Variants in CRISP1 observed in about 807,000 individuals in gnomAD.
CRISP1 encodes cysteine-rich secretory protein 1.
In CRISP1, 44 loss-of-function variants were observed where a neutral mutation model predicts 33.1. The observed-to-expected ratio is 1.33, with a 90% CI of 1.05 to 1.71. The LOEUF (loss-of-function observed/expected upper bound fraction) is 1.71. Among genes scored for constraint, CRISP1 ranks in the 40% most tolerant of loss-of-function variants. The pLI is 0.00. For missense variants in CRISP1, 390 were observed against 301.2 expected (o/e 1.29, Z -2.18); for synonymous variants, 103 against 98.7 (o/e 1.04, Z -0.26).
At chr6:49,836,950 T>C (rs986955648) in intron 7 of CRISP1, among the ~76,000 whole-genome samples, 1 of 152,156 alleles carries the variant, frequency 6.6e-6, no homozygotes, top group African/African-American at 2.4e-5. Context: ...TTCTCTTATG[T>C]AGTATTCTGG....
At chr6:49,848,092 G>T in intron 4 of CRISP1, 117 bp downstream of exon 4, 1 of 573,604 alleles carries the variant, frequency 1.7e-6, no homozygotes. Flanking sequence ...GTATGACCCA[G>T]TGCAAATGAG....
intron 1 of CRISP1, among the ~76,000 whole-genome samples, chr6:49,860,252 G>T (rs1449417607): frequency 6.6e-6 from 1 of 152,048 alleles, no homozygotes; most frequent in Non-Finnish European, 1.5e-5. Context: ...ATTTAAGTTG[G>T]ATATTAAACC....
intron 1 of CRISP1, among the ~76,000 whole-genome samples, chr6:49,875,596 T>A (rs1214019094): frequency 1.3e-5 from 2 of 151,944 alleles, no homozygotes. Context: ...GCCAAGAAAA[T>A]TCTCAGCATA....
rs780945700 is a variant in CRISP1, at chr6:49,846,659, C to G, written c.296G>C (p.Cys99Ser). The change falls in exon 5 of 8, where the codon TGT becomes TCT. Residue 99 changes from cysteine to serine, a missense_variant. Physicochemically the swap from Cys to Ser is moderately radical, Grantham distance 112. Coordinates refer to ENST00000335847, the MANE Select transcript of CRISP1 (RefSeq NM_001131.3). The stretch of plus-strand genomic sequence containing the variant: ...AGATGTCATATGCATATTTTCTCCA[C>G]AAAAGGTATCTGAAATGAGAAAACG... ...PLERRLPNTF[C>S]GENMHMTSYP... 14 of 1,613,006 alleles carry G rather than the reference C, an allele frequency of 8.7e-6. No individual in the cohort carries two copies. The East Asian group carries it at 3.1e-4, about 36-fold the overall frequency.
chr6:49,863,594 TTG>T (rs566565236), intron 1 of CRISP1, among the ~76,000 whole-genome samples: 124 of 152,384 alleles, frequency 8.1e-4, no homozygotes, highest in African/African-American at 2.9e-3. Context: ...TAGTTTCAGA[TTG>T]TGTTTCTTGT....
In CRISP1 at chr6:49,835,290, A is replaced by G. The variant is rs903789712; in HGVS notation, c.*26T>C. ...GACATCTCCTCCTCATCGTCACAGC[A>G]TAGAACAGTTGAAAATAACAAAGAC... On this transcript the variant is annotated 3_prime_UTR_variant, in exon 8 of 8. Transcript: ENST00000335847. 23 of 1,612,546 alleles carry G rather than the reference A, an allele frequency of 1.4e-5. 1 individual carries two copies. In the Admixed American group the frequency reaches 3.3e-4, roughly 23 times the overall value.
At chr6:49,874,220 G>A (rs981909462) in intron 1 of CRISP1, among the ~76,000 whole-genome samples, 27 of 151,988 alleles carry the variant, frequency 1.8e-4, no homozygotes, top group African/African-American at 6.3e-4. Flanking sequence ...AGTAGCTATT[G>A]AATAGTAAAT....
At chr6:49,845,136 G>GA (rs1447778201) in intron 5 of CRISP1, among the ~76,000 whole-genome samples, 5 of 152,112 alleles carry the variant, frequency 3.3e-5, no homozygotes, top group East Asian at 3.9e-4. Flanking sequence ...AGCTGTATCT[G>GA]AAAATAGAGT....
At chr6:49,860,869 A>G (rs1320707403) in intron 1 of CRISP1, among the ~76,000 whole-genome samples, 1 of 152,078 alleles carries the variant, frequency 6.6e-6, no homozygotes, top group Non-Finnish European at 1.5e-5. Flanking sequence ...AGTAACCAAG[A>G]TAAAAAAGAG....
chr6:49,851,277 A>G (rs1771338252), intron 3 of CRISP1, among the ~76,000 whole-genome samples: 1 of 152,132 alleles, frequency 6.6e-6, no homozygotes, highest in South Asian at 2.1e-4. Context: ...CCTTGTTGCT[A>G]CAGGCCGGTC....
intron 1 of CRISP1, among the ~76,000 whole-genome samples, chr6:49,863,387 CTT>C (rs1771706135): frequency 2.0e-5 from 3 of 152,128 alleles, no homozygotes; most frequent in Non-Finnish European, 4.4e-5. Context: ...GCTGCTTGAA[CTT>C]AGGTAAAGGT....
Position 49,845,195 on chromosome 6 carries a change from G to A in CRISP1, c.435+1325C>T, listed in dbSNP as rs184082542. Among the ~76,000 whole-genome samples the A allele has an allele frequency of 2.4e-4, 36 of 152,240 alleles. No individual in the cohort carries two copies. The East Asian group carries it at 4.6e-3, about 20-fold the overall frequency. On this transcript the variant is annotated intron_variant, in intron 5 of 7. Transcript: ENST00000335847. Reference sequence around the variant, plus strand: ...AATAAAGTCATACGACTTGGGCCCTGTTCCAGTAGGATTTGTGTCCTTACA... The same window carrying A: ...AATAAAGTCATACGACTTGGGCCCTATTCCAGTAGGATTTGTGTCCTTACA...
At chr6:49,841,116 C>T (rs1770973032) in intron 5 of CRISP1, 121 bp from the exon 6 acceptor site, 2 of 842,222 alleles carry the variant, frequency 2.4e-6, no homozygotes, top group Admixed American at 2.4e-5. Flanking sequence ...TTGGGCATGG[C>T]TTAATAAGAA....
intron 1 of CRISP1, among the ~76,000 whole-genome samples, chr6:49,864,379 A>C (rs1403005204): frequency 7.7e-6 from 1 of 130,334 alleles, no homozygotes; most frequent in Non-Finnish European, 1.6e-5. Context: ...CACTGTTGCT[A>C]TTCACTGTGT....
chr6:49,869,971 A>G (rs1364554190), upstream of CRISP1, among the ~76,000 whole-genome samples: 2 of 152,212 alleles, frequency 1.3e-5, no homozygotes, highest in Non-Finnish European at 2.9e-5. Context: ...GGTGCCATCT[A>G]TAAGGAACAG....
intron 5 of CRISP1, among the ~76,000 whole-genome samples, chr6:49,844,021 C>T (rs1209724433): frequency 6.6e-6 from 1 of 152,112 alleles, no homozygotes; most frequent in Non-Finnish European, 1.5e-5. Flanking sequence ...TTGGTTTCTC[C>T]TCATCACTTA....
intron 1 of CRISP1, among the ~76,000 whole-genome samples, chr6:49,863,381 C>T (rs1182758260): frequency 6.6e-6 from 1 of 152,126 alleles, no homozygotes; most frequent in Non-Finnish European, 1.5e-5. Context: ...TACATAGCTG[C>T]TTGAACTTAG....
At chr6:49,864,049 C>T (rs1056089422) in intron 1 of CRISP1, among the ~76,000 whole-genome samples, 1 of 152,110 alleles carries the variant, frequency 6.6e-6, no homozygotes, top group Non-Finnish European at 1.5e-5. Context: ...GTCACTTGCA[C>T]CCCTTTCAGT....
intron 5 of CRISP1, among the ~76,000 whole-genome samples, chr6:49,842,151 CGG>C (rs1771013139): frequency 6.6e-6 from 1 of 152,128 alleles, no homozygotes; most frequent in African/African-American, 2.4e-5. Flanking sequence ...TAATTATCTG[CGG>C]CTAACCTAGG....
Sources: allele counts gnomAD v4.1 joint callset (sites outside exome capture counted in the v4.1 genomes callset), GRCh38; gene constraint gnomAD v4.1.1; transcripts MANE v1.5; gene names NCBI Gene and HGNC (gene_info 2026-07-23, HGNC 2026-07-21).